The following PHF20 variants were observed in gnomAD, a reference collection of about 807,000 sequenced individuals.
PHF20 encodes the protein glioma-expressed antigen 2.
PHF20 carries 23 observed loss-of-function variants against 113.5 expected under a neutral mutation model. The observed-to-expected ratio is 0.20, with a 90% CI of 0.15 to 0.29. The LOEUF is 0.29. Among genes scored for constraint, PHF20 ranks in the 10% least tolerant of loss-of-function variants. The probability of loss-of-function intolerance (pLI) is 1.00; values close to 1 mark genes in which losing one functional copy is unlikely to be tolerated. For synonymous variants in PHF20, 434 were observed against 457.3 expected (o/e 0.95, Z 0.65); for missense variants, 943 against 1,219.6 (o/e 0.77, Z 3.38).
chr20:35,778,938 T>G lies in PHF20; in HGVS notation c.-33+6859T>G, dbSNP rs894738246. Among the ~76,000 whole-genome samples, 7 of 152,212 alleles carry G rather than the reference T, an allele frequency of 4.6e-5. 1 individual carries two copies. Among genetic ancestry groups the G allele is most frequent in the Admixed American group, 4.6e-4 (7 of 15,264 alleles). On this transcript the variant is annotated intron_variant, in intron 1 of 17. Transcript: ENST00000374012. ...GTGACTAAATGTAAATAGGACAGTT[T>G]TAGGAAAGAGTGGTGGAGCCTGAAT...
chr20:35,869,371 A>G (rs1259534066), intron 6 of PHF20, 67 bp from the exon 7 acceptor site: 5 of 746,802 alleles, frequency 6.7e-6, no homozygotes, highest in South Asian at 1.8e-5. Context: ...TGTTTTATTT[A>G]TATATAAAAA....
At chr20:35,917,875 A>G (rs1408410041) in intron 13 of PHF20, among the ~76,000 whole-genome samples, 1 of 152,176 alleles carries the variant, frequency 6.6e-6, no homozygotes, top group Non-Finnish European at 1.5e-5. Context: ...TTTAGGGATC[A>G]CTGAGTCTAA....
chr20:35,939,735 TG>T (rs1600972650), intron 16 of PHF20, among the ~76,000 whole-genome samples: 1 of 152,258 alleles, frequency 6.6e-6, no homozygotes, highest in East Asian at 1.9e-4. Context: ...TGTCCTCAGT[TG>T]TCAGTGAGGC....
At chr20:35,782,983 C>T (rs2041331910) in intron 1 of PHF20, among the ~76,000 whole-genome samples, 1 of 152,066 alleles carries the variant, frequency 6.6e-6, no homozygotes, top group Admixed American at 6.6e-5. Context: ...TGCTTGAAGC[C>T]AGGAGTTTGA....
chr20:35,811,009 C>A (rs1394375975), intron 2 of PHF20, among the ~76,000 whole-genome samples: 1 of 151,924 alleles, frequency 6.6e-6, no homozygotes, highest in African/African-American at 2.4e-5. Flanking sequence ...ATTTTCAGTC[C>A]ATTGAAATGA....
intron 1 of PHF20, among the ~76,000 whole-genome samples, chr20:35,773,374 G>T (rs1426378794): frequency 6.6e-6 from 1 of 152,068 alleles, no homozygotes; most frequent in African/African-American, 2.4e-5. Flanking sequence ...TCCCCTTGAG[G>T]TGCTTTCCCC....
intron 1 of PHF20, among the ~76,000 whole-genome samples, chr20:35,783,426 T>TTTTC (rs1000088540): frequency 2.0e-5 from 3 of 152,174 alleles, no homozygotes; most frequent in Middle Eastern, 3.4e-3. Flanking sequence ...TACTTTTTTT[T>TTTTC]TTTCTTTATG....
intron 2 of PHF20, among the ~76,000 whole-genome samples, chr20:35,818,276 A>AAAAAC (rs201625822): frequency 2.0e-4 from 31 of 152,178 alleles, no homozygotes; most frequent in South Asian, 1.2e-3. Flanking sequence ...CTCCGTCTCA[A>AAAAAC]AAAACAAAAC....
intron 2 of PHF20, among the ~76,000 whole-genome samples, chr20:35,810,790 A>C (rs543235231): frequency 1.3e-3 from 197 of 152,326 alleles, no homozygotes; most frequent in African/African-American, 4.5e-3. Flanking sequence ...CCTAATCTAG[A>C]GTACTGGACA....
intron 2 of PHF20, among the ~76,000 whole-genome samples, chr20:35,813,215 C>G (rs2042008448): frequency 6.6e-6 from 1 of 152,110 alleles, no homozygotes; most frequent in Non-Finnish European, 1.5e-5. Flanking sequence ...CGTGATCTGC[C>G]CATCTCGGCC....
intron 6 of PHF20, among the ~76,000 whole-genome samples, chr20:35,866,779 C>G (rs1388034349): frequency 5.3e-5 from 8 of 152,182 alleles, no homozygotes; most frequent in Admixed American, 3.9e-4. Flanking sequence ...GCAGACTGCT[C>G]CTTTGAAGCC....
intron 9 of PHF20, among the ~76,000 whole-genome samples, chr20:35,876,011 G>C (rs2147000311): frequency 6.6e-6 from 1 of 152,300 alleles, no homozygotes; most frequent in South Asian, 2.1e-4. Flanking sequence ...GGTGGGACAG[G>C]TGAGTCTAGG....
rs887672740 is a variant in PHF20 at position 35,784,331 on chromosome 20, C to T, written c.-33+12252C>T. Among the ~76,000 whole-genome samples the T allele has an allele frequency of 1.1e-4, 17 of 151,648 alleles. No homozygotes were observed. The East Asian group carries it at 2.5e-3, about 23-fold the overall frequency. On this transcript the variant is annotated intron_variant, in intron 1 of 17. Coordinates refer to ENST00000374012, the MANE Select transcript of PHF20 (RefSeq NM_016436.5). ...CCTCCCAAAATGCTGGGATTACAGG[C>T]GTGAGCCACTGCACCCGGCCACATT...
chr20:35,859,134 G>A (rs1257633248), intron 5 of PHF20, among the ~76,000 whole-genome samples: 2 of 152,156 alleles, frequency 1.3e-5, no homozygotes, highest in Non-Finnish European at 2.9e-5. Context: ...ATTTGGCACA[G>A]ATTTGGCAGC....
chr20:35,911,347 T>TCC (rs1194295383), intron 10 of PHF20, among the ~76,000 whole-genome samples: 1 of 152,208 alleles, frequency 6.6e-6, no homozygotes, highest in Non-Finnish European at 1.5e-5. Flanking sequence ...CGGCCTGCTG[T>TCC]TCCTACCTTT....
At chr20:35,864,405 AAAACACACACACAC>A (rs1278434150) in intron 6 of PHF20, among the ~76,000 whole-genome samples, 1 of 114,810 alleles carries the variant, frequency 8.7e-6, no homozygotes, top group Non-Finnish European at 1.7e-5. Context: ...ACCCCATCTC[AAAACACACACACAC>A]ACACACACAC....
chr20:35,794,653 C>T (rs1422948978), intron 1 of PHF20, among the ~76,000 whole-genome samples: 1 of 152,034 alleles, frequency 6.6e-6, no homozygotes, highest in African/African-American at 2.4e-5. Flanking sequence ...CTTGAGAGTC[C>T]CAGAGACTTT....
At chr20:35,784,285 CT>C (rs1209315454) in intron 1 of PHF20, among the ~76,000 whole-genome samples, 3 of 151,872 alleles carry the variant, frequency 2.0e-5, no homozygotes, top group Non-Finnish European at 4.4e-5. Context: ...AACTCCTGAC[CT>C]TGTGATCTGC....
intron 2 of PHF20, among the ~76,000 whole-genome samples, chr20:35,804,105 A>G (rs577912686): frequency 2.6e-5 from 4 of 151,776 alleles, no homozygotes; most frequent in African/African-American, 9.7e-5. Flanking sequence ...GATGGAGTCT[A>G]GCTCTGTCAC....
Sources: gnomAD v4.1 joint callset for allele counts (sites outside exome capture counted in the v4.1 genomes callset) on GRCh38, gnomAD v4.1.1 for gene constraint, MANE v1.5 for transcripts, NCBI Gene and HGNC (gene_info 2026-07-23, HGNC 2026-07-21) for gene names.